The following PSMC1 variants were observed in gnomAD, a reference collection of about 807,000 sequenced individuals.
The protein encoded by PSMC1 is 26S proteasome regulatory subunit 4.
PSMC1 carries 5 observed loss-of-function variants against 49.8 expected under a neutral mutation model. That is an observed-to-expected ratio of 0.10 (90% CI 0.05 to 0.21). The LOEUF is 0.21. Among genes scored for constraint, PSMC1 ranks in the 10% least tolerant of loss-of-function variants. The pLI is 1.00. For missense variants in PSMC1, 181 were observed against 535.7 expected (o/e 0.34, Z 6.54); for synonymous variants, 155 against 192.1 (o/e 0.81, Z 1.60).
chr14:90,263,050 CTTCT>C (rs371132625), intron 3 of PSMC1, among the ~76,000 whole-genome samples: 41 of 152,170 alleles, frequency 2.7e-4, no homozygotes, highest in African/African-American at 8.9e-4. Flanking sequence ...TAGCTTTTTT[CTTCT>C]TTAAGTATAC....
At chr14:90,271,892 ATTTTTT>A (rs58641715) in intron 10 of PSMC1, 95 of 140,116 alleles carry the variant, frequency 6.8e-4, no homozygotes, top group South Asian at 3.0e-3. Context: ...TTCAGAACAG[ATTTTTT>A]TTTTTTTTTT....
At chr14:90,260,308 A>G (rs939890857) in intron 3 of PSMC1, 97 bp downstream of exon 3, 3 of 803,912 alleles carry the variant, frequency 3.7e-6, no homozygotes, top group Non-Finnish European at 6.0e-6. Context: ...CAGGAAGTAG[A>G]GGGGCAACTG....
chr14:90,272,436 T>C lies in PSMC1; in HGVS notation c.*29T>C, dbSNP rs573546028. ...ACCATGGCTGTCATCAGGAAAATGGTTGGGAGATTTCTCAATCCCTGAAAG... is the reference window on the plus strand; with the variant it reads ...ACCATGGCTGTCATCAGGAAAATGGCTGGGAGATTTCTCAATCCCTGAAAG... On this transcript the variant is annotated 3_prime_UTR_variant, in exon 11 of 11. Coordinates refer to ENST00000261303, the MANE Select transcript of PSMC1 (RefSeq NM_002802.3). This position sits in a 1 kb window ranked among gnomAD's most constrained non-coding sequence, Gnocchi z 4.5. 45 of 1,517,986 alleles carry C rather than the reference T, an allele frequency of 3.0e-5. No homozygotes were observed. Among genetic ancestry groups the C allele is most frequent in the Admixed American group, 1.1e-4 (5 of 45,446 alleles). The allele number at this position is 1,517,986 out of a possible 1,614,324, so 94.0% of individuals were successfully genotyped here. A position where few individuals can be genotyped will look rare whatever the true frequency, so the allele number is the denominator to read the frequency against.
intron 1 of PSMC1, among the ~76,000 whole-genome samples, chr14:90,258,811 T>C (rs1432872549): frequency 1.3e-5 from 2 of 152,258 alleles, no homozygotes; most frequent in African/African-American, 4.8e-5. Context: ...GGTAGTTTCC[T>C]ATCAAGAGAT....
intron 6 of PSMC1, 118 bp downstream of exon 6, chr14:90,264,287 C>T (rs766246694): frequency 3.7e-6 from 5 of 1,364,572 alleles, no homozygotes; most frequent in Non-Finnish European, 5.0e-6. Context: ...GTAGCTGAGT[C>T]AGAGCTTGCC....
chr14:90,266,832 C>A lies in PSMC1; in HGVS notation c.692-1392C>A, dbSNP rs144503074. Among the ~76,000 whole-genome samples, 487 of 152,334 alleles carry A rather than the reference C, an allele frequency of 3.2e-3. 1 individual carries two copies. The highest frequency in any genetic ancestry group is 0.011 in the African/African-American group (460 of 41,584). On this transcript the variant is annotated intron_variant, in intron 7 of 10. Transcript: ENST00000261303. Reference sequence around the variant, plus strand: ...CTCATTGATGCTTTCAGGGAGCAGTCCAGCCTTTGCATCTGCTACTCTGCC... The same window carrying A: ...CTCATTGATGCTTTCAGGGAGCAGTACAGCCTTTGCATCTGCTACTCTGCC...
At chr14:90,264,427 ATATG>A (rs1408419948) in intron 6 of PSMC1, among the ~76,000 whole-genome samples, 1 of 152,184 alleles carries the variant, frequency 6.6e-6, no homozygotes, top group Non-Finnish European at 1.5e-5. Context: ...GTCTGTGTGA[ATATG>A]TAATGTTTCT....
Position 90,273,075 on chromosome 14 carries a change from C to T in PSMC1, c.*668C>T, listed in dbSNP as rs1348089735. The T allele has an allele frequency of 2.6e-5, 4 of 152,162 alleles. No homozygotes were observed. Among genetic ancestry groups the T allele is most frequent in the Non-Finnish European group, 5.9e-5 (4 of 68,052 alleles). 9.4% of individuals were successfully genotyped at this position (152,162 alleles called of 1,614,324 possible). A position where few individuals can be genotyped will look rare whatever the true frequency, so the allele number is the denominator to read the frequency against. ...CAGAAACATGTCAGAACTTCCCCTT[C>T]CCTTTCTCCGTCTATTTCCGTCATT... is the stretch of plus-strand genomic sequence containing the variant. On this transcript the variant is annotated 3_prime_UTR_variant, in exon 11 of 11. Transcript: ENST00000261303.
chr14:90,269,347 A>G (rs775186195), intron 8 of PSMC1, 50 bp from the exon 9 acceptor site: 2 of 1,515,314 alleles, frequency 1.3e-6, no homozygotes, highest in Non-Finnish European at 8.9e-7. Flanking sequence ...ATTCCCCTTG[A>G]GCAGGCGATC....
chr14:90,264,362 A>G (rs1891463576), intron 6 of PSMC1, among the ~76,000 whole-genome samples, 193 bp downstream of exon 6: 1 of 152,204 alleles, frequency 6.6e-6, no homozygotes, highest in African/African-American at 2.4e-5. Flanking sequence ...CAGTTGTGTG[A>G]TAGTTCCTGC....
rs1891684230 is a variant in PSMC1 at position 90,272,105 on chromosome 14, G to A, written c.1189-168G>A. 1 of 552,478 alleles carries A rather than the reference G, an allele frequency of 1.8e-6. No homozygotes were observed. Among genetic ancestry groups the A allele is most frequent in the East Asian group, 4.3e-5 (1 of 23,032 alleles). The allele number at this position is 552,478 out of a possible 1,614,324, so 34.2% of individuals were successfully genotyped here. Reference sequence around the variant, plus strand: ...GATGGGGTTTCACCGTGTTGGCCAGGCTGGTCTTGAACTCCTGACCTTAGG... The same window carrying A: ...GATGGGGTTTCACCGTGTTGGCCAGACTGGTCTTGAACTCCTGACCTTAGG... On this transcript the variant is annotated intron_variant, in intron 10 of 10. Transcript: ENST00000261303. The surrounding 1 kb of genome is among the most constrained non-coding windows in gnomAD (Gnocchi z 4.5).
At position 90,269,549 on chromosome 14, in the gene PSMC1, G is replaced by C; in HGVS notation, c.1033+1G>C. 1 of 1,612,562 alleles carries C rather than the reference G, an allele frequency of 6.2e-7. No homozygotes were observed. Among genetic ancestry groups the C allele is most frequent in the Non-Finnish European group, 8.5e-7 (1 of 1,179,384 alleles). On this transcript the variant is annotated splice_donor_variant, in intron 9 of 10. Transcript: ENST00000261303. LOFTEE classifies it high-confidence loss of function. ...TTGGATCCAGCACTTATCAGACCAG[G>C]TTAAATTTGCTTTGGTTTCATCATG...
At chr14:90,269,221 A>G (rs894008970) in intron 8 of PSMC1, 176 bp from the exon 9 acceptor site, 3 of 605,978 alleles carry the variant, frequency 5.0e-6, no homozygotes, top group Middle Eastern at 4.4e-4. Flanking sequence ...AAATACATTC[A>G]GACCATGGCA....
intron 7 of PSMC1, among the ~76,000 whole-genome samples, chr14:90,267,032 C>T (rs1232791610): frequency 6.6e-6 from 1 of 152,172 alleles, no homozygotes; most frequent in Non-Finnish European, 1.5e-5. Context: ...GGCACCTACC[C>T]AGCCCTTGTC....
chr14:90,270,304 G>A lies in PSMC1; in HGVS notation c.1140G>A (p.Leu380=). 1.2e-6 allele frequency: 2 copies of A among 1,613,700 alleles called. No homozygotes were observed. The highest frequency in any genetic ancestry group is 1.7e-6 in the Non-Finnish European group (2 of 1,179,938). Residue 380 remains leucine, a synonymous_variant, in exon 10 of 11, where the codon CTG becomes CTA. Coordinates refer to ENST00000261303, the MANE Select transcript of PSMC1 (RefSeq NM_002802.3). ...SRMTLADDVT[L]DDLIMAKDDL... ...TGACGCTGGCTGATGATGTAACCCT[G>A]GACGACCTGATCATGGCTAAAGATG... is the stretch of plus-strand genomic sequence containing the variant.
intron 3 of PSMC1, among the ~76,000 whole-genome samples, chr14:90,262,297 T>C (rs1389193416): frequency 1.3e-5 from 2 of 151,926 alleles, no homozygotes; most frequent in Non-Finnish European, 2.9e-5. Context: ...TAAAGTATAA[T>C]AATAATAAAA....
chr14:90,259,868 C>T (rs1225082843), intron 2 of PSMC1, among the ~76,000 whole-genome samples: 4 of 151,978 alleles, frequency 2.6e-5, no homozygotes, highest in Admixed American at 1.3e-4. Context: ...GTGATCCTCC[C>T]GCCTCAGCCT....
intron 7 of PSMC1, among the ~76,000 whole-genome samples, chr14:90,265,443 T>C (rs889805295): frequency 1.2e-4 from 18 of 151,332 alleles, no homozygotes; most frequent in Non-Finnish European, 5.9e-5. Flanking sequence ...GTAATCCCAG[T>C]ACTTTGGGAG....
At chr14:90,266,429 GAC>G (rs1343206579) in intron 7 of PSMC1, among the ~76,000 whole-genome samples, 1 of 152,228 alleles carries the variant, frequency 6.6e-6, no homozygotes, top group African/African-American at 2.4e-5. Context: ...GAGAGACGGA[GAC>G]ACCTGTACCC....
Sources: allele counts gnomAD v4.1 joint callset (sites outside exome capture counted in the v4.1 genomes callset), GRCh38; gene constraint gnomAD v4.1.1; non-coding constraint Gnocchi (gnomAD v3.1); transcripts MANE v1.5; gene names NCBI Gene and HGNC (gene_info 2026-07-23, HGNC 2026-07-21).